The following NRXN3 variants were observed in gnomAD, a reference collection of about 807,000 sequenced individuals.
NRXN3 encodes neurexin 3.
Under a neutral mutation model 137.6 loss-of-function variants are expected in NRXN3, and 32 were observed. The ratio of observed to expected loss-of-function variants is 0.23; its 90% CI spans 0.18 to 0.31. NRXN3 has a LOEUF of 0.31. Ranked by LOEUF, NRXN3 falls within the 10% of genes least tolerant of loss-of-function variation. The pLI, the probability that NRXN3 is intolerant of heterozygous loss-of-function variation, is 1.00. For synonymous variants in NRXN3, 798 were observed against 784.5 expected (o/e 1.02, Z -0.29); for missense variants, 1,574 against 2,062.5 (o/e 0.76, Z 4.59).
chr14:79,227,672 G>A (rs190063118), intron 15 of NRXN3, among the ~76,000 whole-genome samples: 3 of 151,452 alleles, frequency 2.0e-5, no homozygotes. Flanking sequence ...GGGCCACTTT[G>A]TTGTGCCTCT....
chr14:79,679,195 C>T (rs1294034806), intron 17 of NRXN3, among the ~76,000 whole-genome samples: 1 of 151,966 alleles, frequency 6.6e-6, no homozygotes, highest in Non-Finnish European at 1.5e-5. Flanking sequence ...TTCTATGGCA[C>T]ATACAAAAGC....
Position 78,806,054 on chromosome 14 carries a change from T to TC in NRXN3, c.2248+2231_2248+2232insC, listed in dbSNP as rs1157643724. ...TTTCCAATAGACTTTGCTTTTTTTT[T>TC]TTTTTTTTCCCCTTTGGCTTCTTTT... On this transcript the variant is annotated intron_variant, in intron 9 of 20. Coordinates refer to ENST00000335750, the MANE Select transcript of NRXN3 (RefSeq NM_001330195.2). 6.2e-5 allele frequency among the ~76,000 whole-genome samples: 5 copies of TC among 80,006 alleles called. No homozygotes were observed. The East Asian group carries it at 1.6e-3, about 26-fold the overall frequency. 52.5% of individuals were successfully genotyped at this position (80,006 alleles called of 152,430 possible).
chr14:78,974,771 G>A (rs2153025913), intron 14 of NRXN3, among the ~76,000 whole-genome samples: 1 of 152,072 alleles, frequency 6.6e-6, no homozygotes, highest in African/African-American at 2.4e-5. Flanking sequence ...ATTGGGGTGT[G>A]GACTATTACT....
chr14:79,818,478 G>A (rs977529615), intron 20 of NRXN3, among the ~76,000 whole-genome samples: 4 of 152,172 alleles, frequency 2.6e-5, no homozygotes, highest in Non-Finnish European at 5.9e-5. Context: ...CTTGGGTTAA[G>A]ATACTGCATT....
chr14:79,740,365 T>C (rs895468699), intron 19 of NRXN3, among the ~76,000 whole-genome samples: 1 of 152,048 alleles, frequency 6.6e-6, no homozygotes, highest in Non-Finnish European at 1.5e-5. Context: ...GTCAGTCTAC[T>C]GCAAAACTTT....
chr14:79,340,264 G>C (rs1479827281), intron 15 of NRXN3, among the ~76,000 whole-genome samples: 2 of 151,732 alleles, frequency 1.3e-5, no homozygotes, highest in Non-Finnish European at 2.9e-5. Flanking sequence ...GGAAAACCTA[G>C]GGTTTTCTTT....
intron 1 of NRXN3, among the ~76,000 whole-genome samples, chr14:78,232,026 C>T (rs1410906539): frequency 1.3e-5 from 2 of 152,240 alleles, no homozygotes; most frequent in Middle Eastern, 3.2e-3. Context: ...CATTGTAACC[C>T]TTCCTGGAAA....
intron 4 of NRXN3, among the ~76,000 whole-genome samples, chr14:78,348,640 G>C (rs867051620): frequency 6.6e-6 from 1 of 152,202 alleles, no homozygotes; most frequent in East Asian, 1.9e-4. Context: ...GCTTCTCAAA[G>C]TGTGGTCCCC....
intron 15 of NRXN3, among the ~76,000 whole-genome samples, chr14:79,304,237 G>A (rs567814454): frequency 2.6e-5 from 4 of 151,998 alleles, no homozygotes; most frequent in Non-Finnish European, 5.9e-5. Flanking sequence ...GTGAGTGTCG[G>A]AGTTCCCAAA....
intron 4 of NRXN3, among the ~76,000 whole-genome samples, chr14:78,423,528 G>A (rs1174484434): frequency 6.6e-6 from 1 of 152,124 alleles, no homozygotes; most frequent in Admixed American, 6.5e-5. Flanking sequence ...TGATAATCTG[G>A]TCCTTGGGTG....
At chr14:79,320,575 G>A (rs913593756) in intron 15 of NRXN3, among the ~76,000 whole-genome samples, 2 of 152,094 alleles carry the variant, frequency 1.3e-5, no homozygotes, top group African/African-American at 4.8e-5. Flanking sequence ...AGGCCTTTGG[G>A]AATAATTCTT....
chr14:79,702,067 G>A (rs1261167094), intron 19 of NRXN3, among the ~76,000 whole-genome samples: 1 of 151,956 alleles, frequency 6.6e-6, no homozygotes, highest in Non-Finnish European at 1.5e-5. Context: ...TAAGGGCTAG[G>A]AAGTTTGGGG....
chr14:79,417,948 C>T (rs954447643), intron 15 of NRXN3, among the ~76,000 whole-genome samples: 28 of 143,084 alleles, frequency 2.0e-4, no homozygotes, highest in African/African-American at 1.0e-4. Flanking sequence ...TCAACAGAAG[C>T]GTAGAGAATA....
intron 4 of NRXN3, among the ~76,000 whole-genome samples, chr14:78,586,728 C>T (rs989996834): frequency 4.6e-5 from 7 of 152,202 alleles, no homozygotes; most frequent in African/African-American, 1.7e-4. Flanking sequence ...CCCTGTCCCC[C>T]AAGAGGACCT....
intron 8 of NRXN3, among the ~76,000 whole-genome samples, chr14:78,798,908 A>G (rs1028055584): frequency 1.4e-4 from 21 of 152,232 alleles, no homozygotes; most frequent in Admixed American, 5.9e-4. Flanking sequence ...CAGGGCACCA[A>G]GTCCCTAGGC....
At chr14:78,798,209 C>T (rs1567341101) in intron 8 of NRXN3, among the ~76,000 whole-genome samples, 1 of 152,172 alleles carries the variant, frequency 6.6e-6, no homozygotes, top group Non-Finnish European at 1.5e-5. Context: ...AAATCAAAAG[C>T]AAGTTAGTTA....
intron 15 of NRXN3, among the ~76,000 whole-genome samples, chr14:79,322,689 C>T (rs1252614694): frequency 6.6e-6 from 1 of 152,160 alleles, no homozygotes; most frequent in Non-Finnish European, 1.5e-5. Flanking sequence ...TAAGCACAAT[C>T]AGTTTAGGAA....
chr14:79,189,691 A>G (rs1010861047), intron 15 of NRXN3, among the ~76,000 whole-genome samples: 4 of 152,152 alleles, frequency 2.6e-5, no homozygotes, highest in East Asian at 1.9e-4. Context: ...GGTACATGCA[A>G]TATAGGCCTG....
intron 15 of NRXN3, among the ~76,000 whole-genome samples, chr14:79,051,996 T>G (rs935611570): frequency 1.3e-5 from 2 of 152,226 alleles, no homozygotes; most frequent in African/African-American, 4.8e-5. Context: ...TTTCTTTTTC[T>G]AAAATTGTTT....
Sources: allele counts gnomAD v4.1 joint callset (sites outside exome capture counted in the v4.1 genomes callset), GRCh38; gene constraint gnomAD v4.1.1; transcripts MANE v1.5; gene names NCBI Gene and HGNC (gene_info 2026-07-23, HGNC 2026-07-21).